Variants in PRP4K observed in about 807,000 individuals in gnomAD.
PRP4K encodes pre-mRNA processing factor kinase PRP4K.
the PRP4K span, chr6:4,032,637 A>G: frequency 1.3e-4 from 206 of 1,614,032 alleles, no homozygotes; most frequent in South Asian, 7.9e-4. Context: ...TTTGAATGAT[A>G]GAAGATCTAA....
At chr6:4,044,885 C>CA in the PRP4K span, among the ~76,000 whole-genome samples, 35 of 132,712 alleles carry the variant, frequency 2.6e-4, no homozygotes, top group African/African-American at 9.4e-4. Flanking sequence ...TTTTAAGAGA[C>CA]AGAGTCTTGC....
the PRP4K span, among the ~76,000 whole-genome samples, chr6:4,054,024 C>T: frequency 6.6e-6 from 1 of 151,982 alleles, no homozygotes; most frequent in South Asian, 2.1e-4. Flanking sequence ...GTTCTCCTGC[C>T]TCCGCCTCCC....
the PRP4K span, chr6:4,051,905 T>C: frequency 8.4e-7 from 1 of 1,191,002 alleles, no homozygotes; most frequent in Non-Finnish European, 1.2e-6. Context: ...TATTTAGTGC[T>C]CCTAAATTCT....
At chr6:4,030,488 TTTA>T in the PRP4K span, among the ~76,000 whole-genome samples, 4 of 152,192 alleles carry the variant, frequency 2.6e-5, no homozygotes, top group African/African-American at 9.6e-5. Flanking sequence ...AGGATGATGG[TTTA>T]TTATGGAGTA....
At chr6:4,052,008 T>G in the PRP4K span, 1 of 1,604,302 alleles carries the variant, frequency 6.2e-7, no homozygotes, top group Non-Finnish European at 8.5e-7. Flanking sequence ...TTAATGATGC[T>G]GATCCTGATG....
the PRP4K span, chr6:4,040,798 G>A: frequency 3.2e-5 from 51 of 1,613,948 alleles, no homozygotes; most frequent in South Asian, 3.7e-4. Context: ...AGCAGATCAC[G>A]CTTGCGAAGG....
At chr6:4,037,109 A>T in the PRP4K span, among the ~76,000 whole-genome samples, 1 of 151,954 alleles carries the variant, frequency 6.6e-6, no homozygotes, top group Non-Finnish European at 1.5e-5. Flanking sequence ...GGGAGGTTTT[A>T]TTTGAGTTGG....
At chr6:4,055,165 A>T in the PRP4K span, among the ~76,000 whole-genome samples, 1 of 152,224 alleles carries the variant, frequency 6.6e-6, no homozygotes, top group Admixed American at 6.5e-5. Flanking sequence ...AGTGCATATG[A>T]GTATGGATAC....
At chr6:4,047,902 A>G in the PRP4K span, among the ~76,000 whole-genome samples, 2 of 3,040 alleles carry the variant, frequency 6.6e-4, no homozygotes, top group African/African-American at 1.3e-3. Flanking sequence ...ATGTATATGT[A>G]CACACACACA....
At chr6:4,025,201 G>A in the PRP4K span, among the ~76,000 whole-genome samples, 54 of 152,216 alleles carry the variant, frequency 3.5e-4, no homozygotes, top group Non-Finnish European at 5.4e-4. Flanking sequence ...ATGTTAAAGC[G>A]TAAATTTATA....
chr6:4,046,082 G>A, the PRP4K span, among the ~76,000 whole-genome samples: 274 of 152,258 alleles, frequency 1.8e-3, 3 homozygotes, highest in East Asian at 8.5e-3. Flanking sequence ...TATTCATTGG[G>A]TACTGATTAT....
the PRP4K span, chr6:4,021,380 G>A: frequency 1.3e-6 from 2 of 1,557,318 alleles, no homozygotes; most frequent in South Asian, 1.2e-5. Flanking sequence ...ACCCTCCACC[G>A]TCCGGGAGCC....
the PRP4K span, among the ~76,000 whole-genome samples, chr6:4,059,267 C>A: frequency 6.6e-6 from 1 of 152,166 alleles, no homozygotes. Flanking sequence ...ATTCAGAACC[C>A]CCACCTTTCC....
At chr6:4,054,055 A>G in the PRP4K span, among the ~76,000 whole-genome samples, 1 of 152,044 alleles carries the variant, frequency 6.6e-6, no homozygotes, top group Non-Finnish European at 1.5e-5. Context: ...GACTACCCAC[A>G]GGCACATGCC....
the PRP4K span, among the ~76,000 whole-genome samples, chr6:4,028,045 CCTT>C: frequency 6.6e-6 from 1 of 152,074 alleles, no homozygotes; most frequent in African/African-American, 2.4e-5. Flanking sequence ...AAAAAAAAGA[CCTT>C]CTGGATTATG....
chr6:4,051,331 G>T, the PRP4K span, among the ~76,000 whole-genome samples: 5 of 151,912 alleles, frequency 3.3e-5, no homozygotes, highest in African/African-American at 1.2e-4. Flanking sequence ...TTGTTTGTTT[G>T]AGATGGAGTT....
chr6:4,056,248 G>T, the PRP4K span: 2 of 1,084,350 alleles, frequency 1.8e-6, no homozygotes, highest in Non-Finnish European at 1.4e-6. Flanking sequence ...ACTTTTCAAA[G>T]CCAATAATTT....
chr6:4,037,738 C>T, the PRP4K span, among the ~76,000 whole-genome samples: 3 of 152,212 alleles, frequency 2.0e-5, no homozygotes, highest in East Asian at 1.9e-4. Flanking sequence ...TCTTTTATAT[C>T]GTTTCCTTTG....
the PRP4K span, chr6:4,049,553 C>T: frequency 4.3e-5 from 26 of 605,648 alleles, no homozygotes; most frequent in African/African-American, 4.4e-4. Flanking sequence ...AGTAGGCATG[C>T]AGCTTCTAAC....
Sources: allele counts gnomAD v4.1 joint callset (sites outside exome capture counted in the v4.1 genomes callset), GRCh38; gene constraint gnomAD v4.1.1; transcripts MANE v1.5; gene names NCBI Gene and HGNC (gene_info 2026-07-23, HGNC 2026-07-21).